SGMS1: variants seen among roughly 807,000 people sequenced by gnomAD.
The protein encoded by SGMS1 is sphingomyelin synthase 1, also known as phosphatidylcholine:ceramide cholinephosphotransferase 1.
SGMS1 carries 13 observed loss-of-function variants against 46.2 expected under a neutral mutation model. That is an observed-to-expected ratio of 0.28 (90% CI 0.18 to 0.45). The LOEUF is 0.45. Among genes scored for constraint, SGMS1 ranks in the 20% least tolerant of loss-of-function variants. The pLI, the probability that SGMS1 is intolerant of heterozygous loss-of-function variation, is 1.00. For synonymous variants in SGMS1, 203 were observed against 187.8 expected (o/e 1.08, Z -0.66); for missense variants, 324 against 519.9 (o/e 0.62, Z 3.66).
chr10:50,528,697 T>A (rs1026992393), intron 2 of SGMS1, among the ~76,000 whole-genome samples: 63 of 152,130 alleles, frequency 4.1e-4, no homozygotes, highest in African/African-American at 1.4e-3. Context: ...CCAGGAGCCC[T>A]AGAACAGCCT....
chr10:50,571,718 G>C (rs1459520098), intron 2 of SGMS1, among the ~76,000 whole-genome samples: 1 of 151,414 alleles, frequency 6.6e-6, no homozygotes, highest in Non-Finnish European at 1.5e-5. Flanking sequence ...TATTTATGTG[G>C]GTATAAAACC....
At chr10:50,376,220 T>C (rs886163473) in intron 6 of SGMS1, among the ~76,000 whole-genome samples, 4 of 152,162 alleles carry the variant, frequency 2.6e-5, no homozygotes, top group Admixed American at 1.3e-4. Context: ...GGATATACAC[T>C]AAAATGCACA....
chr10:50,322,913 G>C, intron 8 of SGMS1, among the ~76,000 whole-genome samples: 1 of 150,062 alleles, frequency 6.7e-6, no homozygotes, highest in South Asian at 2.1e-4. Context: ...TTGGAGCTAT[G>C]ATGAGAGTAA....
At chr10:50,607,885 C>T (rs1838711979) in intron 1 of SGMS1, among the ~76,000 whole-genome samples, 1 of 152,166 alleles carries the variant, frequency 6.6e-6, no homozygotes. Flanking sequence ...ATTACATGGA[C>T]AGAGCCAGCA....
intron 6 of SGMS1, among the ~76,000 whole-genome samples, chr10:50,412,295 A>G (rs1174089292): frequency 6.6e-6 from 1 of 152,240 alleles, no homozygotes; most frequent in Non-Finnish European, 1.5e-5. Context: ...CTCCAAACTG[A>G]AAAAGCGCCT....
At chr10:50,506,791 GGCCACCATTAGCTGCACCCTTCCCAGGT>G (rs1837710474) in intron 3 of SGMS1, among the ~76,000 whole-genome samples, 1 of 152,142 alleles carries the variant, frequency 6.6e-6, no homozygotes, top group Non-Finnish European at 1.5e-5. Flanking sequence ...TGTTAATAGT[GGCCACCATTAGCTGCACCCTTCCCAGGT>G]GCCAGGTACC....
At chr10:50,392,203 A>AC (rs780687175) in intron 6 of SGMS1, among the ~76,000 whole-genome samples, 1 of 151,512 alleles carries the variant, frequency 6.6e-6, no homozygotes, top group Non-Finnish European at 1.5e-5. Flanking sequence ...AAAAAAAAAA[A>AC]CTGAAATGTT....
intron 6 of SGMS1, among the ~76,000 whole-genome samples, chr10:50,361,239 A>C (rs1848242581): frequency 6.6e-6 from 1 of 152,118 alleles, no homozygotes; most frequent in South Asian, 2.1e-4. Context: ...AGGAGTGGCA[A>C]CTGCAGGTTG....
chr10:50,405,991 A>G (rs989503007), intron 6 of SGMS1, among the ~76,000 whole-genome samples: 3 of 152,218 alleles, frequency 2.0e-5, no homozygotes, highest in Admixed American at 2.0e-4. Context: ...ATGATGAAGT[A>G]CTACTGGAAG....
chr10:50,451,074 A>G (rs1359196294), intron 5 of SGMS1, among the ~76,000 whole-genome samples: 2 of 152,176 alleles, frequency 1.3e-5, no homozygotes, highest in Non-Finnish European at 2.9e-5. Context: ...TATTTCCAAT[A>G]TGAAGTAAAC....
intron 6 of SGMS1, 64 bp downstream of exon 6, chr10:50,433,412 G>A (rs1233021929): frequency 6.6e-6 from 1 of 152,204 alleles, no homozygotes; most frequent in African/African-American, 2.4e-5. Flanking sequence ...TTTTACCATG[G>A]TTCCTTAAAG....
At position 50,557,995 on chromosome 10, in the gene SGMS1, A is replaced by C. The variant is rs115470502; in HGVS notation, c.-589+32158T>G. Among the ~76,000 whole-genome samples, 938 of 152,338 alleles carry C rather than the reference A, an allele frequency of 6.2e-3. 6 individuals carry two copies. Among genetic ancestry groups the C allele is most frequent in the African/African-American group, 0.021 (891 of 41,576 alleles). On this transcript the variant is annotated intron_variant, in intron 2 of 10. Coordinates refer to ENST00000361781, the MANE Select transcript of SGMS1 (RefSeq NM_147156.4). ...GTACCAAACTCTACTTCAGCCAATT[A>C]ACTTATTTATATAATCCTCACAGCT...
intron 9 of SGMS1, among the ~76,000 whole-genome samples, chr10:50,309,337 C>CT (rs1182111127): frequency 4.7e-4 from 72 of 152,126 alleles, no homozygotes; most frequent in Admixed American, 4.6e-3. Flanking sequence ...TGTTCATAAA[C>CT]TTTTTCCCAC....
At chr10:50,616,108 T>C (rs1388240872) in intron 1 of SGMS1, among the ~76,000 whole-genome samples, 1 of 152,102 alleles carries the variant, frequency 6.6e-6, no homozygotes, top group African/African-American at 2.4e-5. Flanking sequence ...GTATTAAGTT[T>C]ATGAGATTTA....
At chr10:50,463,256 T>C (rs1032089031) in intron 4 of SGMS1, among the ~76,000 whole-genome samples, 4 of 152,060 alleles carry the variant, frequency 2.6e-5, no homozygotes, top group Admixed American at 2.6e-4. Flanking sequence ...CAGAAAATAT[T>C]TGTAAACCAT....
chr10:50,336,203 A>G (rs1847715078), intron 7 of SGMS1: 1 of 152,298 alleles, frequency 6.6e-6, no homozygotes. Context: ...TGATCTGGGA[A>G]GAGAAGGGTC....
At chr10:50,521,578 C>A (rs1283820638) in intron 2 of SGMS1, among the ~76,000 whole-genome samples, 2 of 152,150 alleles carry the variant, frequency 1.3e-5, no homozygotes, top group African/African-American at 4.8e-5. Flanking sequence ...GCTGCCATTA[C>A]TTTTCAGCTT....
At chr10:50,481,226 T>G (rs895186326) in intron 3 of SGMS1, among the ~76,000 whole-genome samples, 10 of 152,218 alleles carry the variant, frequency 6.6e-5, no homozygotes, top group African/African-American at 2.4e-4. Context: ...TTGTGCCTCC[T>G]GATGGGGTGA....
Position 50,623,830 on chromosome 10 carries a change from G to A in SGMS1, c.-807C>T, listed in dbSNP as rs1220468235. Reference sequence around the variant, plus strand: ...TCGCGCTCTCCGACCGGCTCCCTAGGCGCGAGGGGAGAGCAGTCAGCCCAG... The same window carrying A: ...TCGCGCTCTCCGACCGGCTCCCTAGACGCGAGGGGAGAGCAGTCAGCCCAG... On this transcript the variant is annotated 5_prime_UTR_variant, in exon 1 of 11. Coordinates refer to ENST00000361781, the MANE Select transcript of SGMS1 (RefSeq NM_147156.4). 5.1e-6 allele frequency: 5 copies of A among 985,340 alleles called. No individual in the cohort carries two copies. Among genetic ancestry groups the A allele is most frequent in the African/African-American group, 3.5e-5 (2 of 57,226 alleles). The allele number at this position is 985,340 out of a possible 1,614,324, so 61.0% of individuals were successfully genotyped here.
Sources: allele counts gnomAD v4.1 joint callset (sites outside exome capture counted in the v4.1 genomes callset), GRCh38; gene constraint gnomAD v4.1.1; transcripts MANE v1.5; gene names NCBI Gene and HGNC (gene_info 2026-07-23, HGNC 2026-07-21).